Variants in C3orf20 observed in about 807,000 individuals in gnomAD.
C3orf20 encodes the protein family with sequence similarity 149 member C.
Under a neutral mutation model 88.3 loss-of-function variants are expected in C3orf20, and 76 were observed. The ratio of observed to expected loss-of-function variants is 0.86; its 90% CI spans 0.72 to 1.04. C3orf20 has a LOEUF of 1.04. C3orf20 is among the 50% of genes least tolerant of loss of function. The probability of loss-of-function intolerance (pLI) is 0.00; values close to 1 mark genes in which losing one functional copy is unlikely to be tolerated. For missense variants in C3orf20, 1,056 were observed against 1,123.3 expected, an observed-to-expected ratio of 0.94 and a Z score of 0.86; for synonymous variants, 436 against 437.4, an observed-to-expected ratio of 1.00 and a Z score of 0.04.
At chr3:14,733,407 T>C (rs1323929553) in intron 12 of C3orf20, among the ~76,000 whole-genome samples, 1 of 152,172 alleles carries the variant, frequency 6.6e-6, no homozygotes, top group Admixed American at 6.5e-5. Context: ...GGTAGACTGG[T>C]CAATAATTTT....
intron 1 of C3orf20, among the ~76,000 whole-genome samples, chr3:14,675,518 C>CT (rs1371288795): frequency 9.3e-3 from 1 of 108 alleles, no homozygotes; most frequent in Admixed American, 0.1. Context: ...AAAGCTGTCA[C>CT]CTGGCCTATC....
intron 12 of C3orf20, among the ~76,000 whole-genome samples, chr3:14,755,776 T>C (rs2035343955): frequency 6.6e-6 from 1 of 152,140 alleles, no homozygotes; most frequent in Non-Finnish European, 1.5e-5. Context: ...ACGCCTGTAA[T>C]CCCAGCACTT....
In C3orf20 at chr3:14,761,488, A is replaced by G. The variant is rs751432931; in HGVS notation, c.2368A>G (p.Lys790Glu). 1 of 1,613,450 alleles carries G rather than the reference A, an allele frequency of 6.2e-7. No individual in the cohort carries two copies. Among genetic ancestry groups the G allele is most frequent in the Non-Finnish European group, 8.5e-7 (1 of 1,179,884 alleles). The change falls in exon 15 of 17, where the codon AAG becomes GAG. Residue 790 changes from lysine to glutamate, a missense_variant. By Grantham distance (56) the Lys-to-Glu change is moderately conservative (BLOSUM62 1). Transcript: ENST00000253697. ...QGMILMFAGGKLIFGGRVLNG... is the reference protein window; with the variant it reads ...QGMILMFAGGELIFGGRVLNG... ...CTGTCAACAGATGTTTGCCGGGGGG[A>G]AGCTCATTTTTGGGGGCCGTGTTTT...
intron 9 of C3orf20, among the ~76,000 whole-genome samples, chr3:14,720,576 GTTGTTGTTT>G (rs2034121588): frequency 7.4e-6 from 1 of 135,306 alleles, no homozygotes; most frequent in Non-Finnish European, 1.7e-5. Context: ...TGTTGTTGTT[GTTGTTGTTT>G]TTGGTTCAGA....
chr3:14,739,814 T>G (rs1263260408), intron 12 of C3orf20, among the ~76,000 whole-genome samples: 1 of 152,260 alleles, frequency 6.6e-6, no homozygotes, highest in Non-Finnish European at 1.5e-5. Context: ...GTTATGGAGA[T>G]GGTTTCATTC....
chr3:14,686,670 A>G (rs766006396), intron 4 of C3orf20, among the ~76,000 whole-genome samples: 1 of 152,132 alleles, frequency 6.6e-6, no homozygotes, highest in Admixed American at 6.5e-5. Context: ...TTTTTAAATC[A>G]AGTTATTTGG....
intron 7 of C3orf20, among the ~76,000 whole-genome samples, chr3:14,708,721 G>A (rs1398645230): frequency 6.6e-6 from 1 of 152,052 alleles, no homozygotes; most frequent in Non-Finnish European, 1.5e-5. Flanking sequence ...TCAGCTCACT[G>A]CAACCTCTGC....
At chr3:14,761,190 T>G in intron 14 of C3orf20, among the ~76,000 whole-genome samples, 2 of 149,634 alleles carry the variant, frequency 1.3e-5, no homozygotes, top group Non-Finnish European at 1.5e-5. Flanking sequence ...CCTCCTCAGG[T>G]TGCCCAGGGA....
At chr3:14,685,606 T>A (rs1001758584) in intron 4 of C3orf20, among the ~76,000 whole-genome samples, 3 of 152,044 alleles carry the variant, frequency 2.0e-5, no homozygotes, top group South Asian at 4.1e-4. Flanking sequence ...ATATTAGTTC[T>A]CCACAATTCA....
chr3:14,757,645 C>T lies in C3orf20; in HGVS notation c.2215C>T (p.Gln739Ter). 1.2e-6 allele frequency: 2 copies of T among 1,611,104 alleles called. No individual in the cohort carries two copies. The highest frequency in any genetic ancestry group is 2.2e-5 in the East Asian group (1 of 44,798). ...GCTGAACACTCTCTACAACCACCAG[C>T]AGCGGGGCCGTGGCTCCCCCTGCAT... ...WLLNTLYNHQQRGRGSPCIQC... is the reference protein window; with the variant it reads ...WLLNTLYNHQ Residue 739 changes from glutamine (Q) to a stop codon, truncating the protein, a stop_gained, in exon 13 of 17, where the codon CAG (glutamine) becomes TAG (stop). Transcript: ENST00000253697. LOFTEE classifies it high-confidence loss of function.
At chr3:14,754,809 C>T (rs541735054) in intron 12 of C3orf20, among the ~76,000 whole-genome samples, 2 of 152,258 alleles carry the variant, frequency 1.3e-5, no homozygotes, top group East Asian at 1.9e-4. Flanking sequence ...ACTATAACCT[C>T]GAACTCCTGG....
At position 14,772,374 on chromosome 3, in the gene C3orf20, G is replaced by A. The variant is rs1257840922; in HGVS notation, c.2630+173G>A. On this transcript the variant is annotated intron_variant, in intron 16 of 16. Transcript: ENST00000253697. This position sits in a 1 kb window ranked among gnomAD's most constrained non-coding sequence, Gnocchi z 4.2. ...ATTGGGCGGGCATGCAGGCTGCCCT[G>A]GAGCTGCTCGCAGTGGTCTGGGTGG... 6.6e-6 allele frequency among the ~76,000 whole-genome samples: 1 copy of A among 152,212 alleles called. No individual in the cohort carries two copies. The highest frequency in any genetic ancestry group is 1.5e-5 in the Non-Finnish European group (1 of 68,036).
At chr3:14,721,144 T>C (rs1269574385) in intron 9 of C3orf20, among the ~76,000 whole-genome samples, 1 of 152,204 alleles carries the variant, frequency 6.6e-6, no homozygotes, top group Non-Finnish European at 1.5e-5. Context: ...GGGCTGAGTA[T>C]GTGTGGCCCA....
intron 3 of C3orf20, among the ~76,000 whole-genome samples, chr3:14,683,728 T>C (rs1036134148): frequency 2.6e-5 from 4 of 151,808 alleles, no homozygotes; most frequent in African/African-American, 9.7e-5. Flanking sequence ...ATACAAAAAT[T>C]AGCCGGGCAT....
intron 1 of C3orf20, among the ~76,000 whole-genome samples, chr3:14,676,187 C>T (rs1263449703): frequency 1.3e-5 from 2 of 150,432 alleles, no homozygotes; most frequent in Non-Finnish European, 3.0e-5. Flanking sequence ...ACACCAGCCT[C>T]TCCATGCACA....
At chr3:14,767,804 C>A (rs577612307) in intron 15 of C3orf20, among the ~76,000 whole-genome samples, 1 of 152,240 alleles carries the variant, frequency 6.6e-6, no homozygotes, top group African/African-American at 2.4e-5. Flanking sequence ...CACGGGCCTG[C>A]TCTCCAGAAC....
intron 7 of C3orf20, among the ~76,000 whole-genome samples, chr3:14,705,312 A>T (rs1244428320): frequency 6.6e-6 from 1 of 152,246 alleles, no homozygotes; most frequent in African/African-American, 2.4e-5. Context: ...GCATTCACCA[A>T]CCTCCAAAGC....
At chr3:14,716,030 TCCTC>T (rs1413738596) in intron 9 of C3orf20, among the ~76,000 whole-genome samples, 1 of 152,216 alleles carries the variant, frequency 6.6e-6, no homozygotes, top group African/African-American at 2.4e-5. Context: ...GTGGCAGAGT[TCCTC>T]ATCATTGACA....
chr3:14,719,899 A>G (rs1302299722), intron 9 of C3orf20, among the ~76,000 whole-genome samples: 1 of 152,204 alleles, frequency 6.6e-6, no homozygotes, highest in Non-Finnish European at 1.5e-5. Context: ...GTAAATGGCA[A>G]TGCTGGGATT....
Sources: allele counts gnomAD v4.1 joint callset (sites outside exome capture counted in the v4.1 genomes callset), GRCh38; gene constraint gnomAD v4.1.1; non-coding constraint Gnocchi (gnomAD v3.1); transcripts MANE v1.5; gene names NCBI Gene and HGNC (gene_info 2026-07-23, HGNC 2026-07-21).